Variants in BRINP3 observed in about 807,000 individuals in gnomAD.
BRINP3 encodes the protein BMP/retinoic acid inducible neural specific 3.
In BRINP3, 19 loss-of-function variants were observed where a neutral mutation model predicts 71.0. That is an observed-to-expected ratio of 0.27 (90% CI 0.19 to 0.39). The LOEUF (loss-of-function observed/expected upper bound fraction) is 0.39, where lower values mean the gene tolerates loss of function less well. Among genes scored for constraint, BRINP3 ranks in the 10% least tolerant of loss-of-function variants. The pLI is 1.00. For synonymous variants in BRINP3, 380 were observed against 337.7 expected (o/e 1.13, Z -1.37); for missense variants, 959 against 940.8 (o/e 1.02, Z -0.25).
chr1:190,110,566 T>C (rs1266537775), intron 7 of BRINP3, among the ~76,000 whole-genome samples: 1 of 152,178 alleles, frequency 6.6e-6, no homozygotes, highest in African/African-American at 2.4e-5. Flanking sequence ...CCAAGTACCC[T>C]CTACTAAAAC....
chr1:190,255,689 T>C (rs1395678593), intron 4 of BRINP3, among the ~76,000 whole-genome samples: 1 of 152,110 alleles, frequency 6.6e-6, no homozygotes, highest in African/African-American at 2.4e-5. Context: ...TTATTAGTCT[T>C]GCTAGCGATC....
chr1:190,299,336 T>C (rs1237491606), intron 2 of BRINP3, among the ~76,000 whole-genome samples: 1 of 151,910 alleles, frequency 6.6e-6, no homozygotes, highest in Non-Finnish European at 1.5e-5. Context: ...TTAAGTACAA[T>C]GCTTTCTTTT....
At chr1:190,380,818 A>C (rs1165353327) in intron 2 of BRINP3, among the ~76,000 whole-genome samples, 2 of 152,146 alleles carry the variant, frequency 1.3e-5, no homozygotes, top group African/African-American at 4.8e-5. Context: ...CTAAAAAAAA[A>C]CACAATTTGT....
chr1:190,153,853 C>T (rs542688402), intron 7 of BRINP3, among the ~76,000 whole-genome samples: 145 of 152,152 alleles, frequency 9.5e-4, no homozygotes, highest in African/African-American at 3.4e-3. Flanking sequence ...TCTGTCTCAA[C>T]AAAATGAATA....
At chr1:190,464,566 C>G (rs564070001) in intron 1 of BRINP3, among the ~76,000 whole-genome samples, 2 of 151,978 alleles carry the variant, frequency 1.3e-5, no homozygotes, top group South Asian at 4.2e-4. Flanking sequence ...GGAACAGGTA[C>G]TGAAATGAAC....
intron 2 of BRINP3, among the ~76,000 whole-genome samples, chr1:190,426,494 A>T (rs905292982): frequency 6.6e-6 from 1 of 151,844 alleles, no homozygotes; most frequent in African/African-American, 2.4e-5. Context: ...AAAAATTCCA[A>T]ATCCAAAATG....
At chr1:190,364,759 G>T (rs945783878) in intron 2 of BRINP3, among the ~76,000 whole-genome samples, 1 of 151,948 alleles carries the variant, frequency 6.6e-6, no homozygotes, top group African/African-American at 2.4e-5. Flanking sequence ...TTTTAATAAT[G>T]CTTGCAAAAC....
chr1:190,201,880 G>C (rs926136175), intron 6 of BRINP3, among the ~76,000 whole-genome samples: 1 of 152,184 alleles, frequency 6.6e-6, no homozygotes. Context: ...CCAGGCAGAA[G>C]TTTGTTGCAG....
chr1:190,286,139 T>G (rs1356539679), intron 2 of BRINP3, among the ~76,000 whole-genome samples: 3 of 152,172 alleles, frequency 2.0e-5, no homozygotes, highest in African/African-American at 7.2e-5. Context: ...TTTTTGGGGA[T>G]CATACTCTAA....
intron 1 of BRINP3, among the ~76,000 whole-genome samples, chr1:190,465,606 C>A (rs573068769): frequency 6.6e-6 from 1 of 151,990 alleles, no homozygotes; most frequent in Non-Finnish European, 1.5e-5. Context: ...GCCAGAATCC[C>A]CTCTTACCCC....
chr1:190,144,697 T>C (rs1655740053), intron 7 of BRINP3, among the ~76,000 whole-genome samples: 1 of 152,134 alleles, frequency 6.6e-6, no homozygotes, highest in Non-Finnish European at 1.5e-5. Context: ...CCGATGAACA[T>C]ATCTCATCTT....
chr1:190,209,617 C>T, intron 6 of BRINP3, among the ~76,000 whole-genome samples: 1 of 152,106 alleles, frequency 6.6e-6, no homozygotes, highest in East Asian at 1.9e-4. Flanking sequence ...GTATCAATTT[C>T]ATTTGACGTT....
At chr1:190,376,776 T>A (rs998234285) in intron 2 of BRINP3, among the ~76,000 whole-genome samples, 2 of 152,084 alleles carry the variant, frequency 1.3e-5, no homozygotes, top group Non-Finnish European at 2.9e-5. Flanking sequence ...TCTGCCGATG[T>A]TAATTGATAT....
chr1:190,424,329 C>A (rs1410941549), intron 2 of BRINP3, among the ~76,000 whole-genome samples: 1 of 151,476 alleles, frequency 6.6e-6, no homozygotes, highest in Non-Finnish European at 1.5e-5. Context: ...TAAGTATTGC[C>A]CCTTTGTTGC....
chr1:190,344,126 A>G lies in BRINP3; in HGVS notation c.237-62376T>C, dbSNP rs984258833. Among the ~76,000 whole-genome samples the G allele has an allele frequency of 7.2e-5, 11 of 151,950 alleles. No individual in the cohort carries two copies. The East Asian group carries it at 1.4e-3, about 19-fold the overall frequency. ...AAATATATTGTCCTTCAATTTCAGTAGAAAAAAATCTTCTTCTATTACTAA... is the reference window on the plus strand; with the variant it reads ...AAATATATTGTCCTTCAATTTCAGTGGAAAAAAATCTTCTTCTATTACTAA... On this transcript the variant is annotated intron_variant, in intron 2 of 7. Coordinates refer to ENST00000367462, the MANE Select transcript of BRINP3 (RefSeq NM_199051.3).
intron 6 of BRINP3, among the ~76,000 whole-genome samples, chr1:190,196,353 A>G (rs1379302922): frequency 6.6e-6 from 1 of 152,120 alleles, no homozygotes; most frequent in Non-Finnish European, 1.5e-5. Context: ...CTTGTTCAAC[A>G]CCAGATAATG....
At chr1:190,166,322 TTTTA>T (rs1419569041) in intron 6 of BRINP3, among the ~76,000 whole-genome samples, 6 of 152,314 alleles carry the variant, frequency 3.9e-5, no homozygotes, top group Admixed American at 2.6e-4. Context: ...TTTCTCACTA[TTTTA>T]TTTTTCTCTG....
intron 6 of BRINP3, among the ~76,000 whole-genome samples, chr1:190,182,311 T>G (rs373374787): frequency 6.6e-6 from 1 of 152,130 alleles, no homozygotes; most frequent in Non-Finnish European, 1.5e-5. Flanking sequence ...AGGCTTCTGA[T>G]GACAAGAAAG....
chr1:190,231,142 C>CT (rs1353835639), intron 5 of BRINP3, among the ~76,000 whole-genome samples: 1 of 151,608 alleles, frequency 6.6e-6, no homozygotes, highest in Non-Finnish European at 1.5e-5. Context: ...ATATAATCAG[C>CT]TTTTTGAAAA....
Sources: allele counts gnomAD v4.1 joint callset (sites outside exome capture counted in the v4.1 genomes callset), GRCh38; gene constraint gnomAD v4.1.1; transcripts MANE v1.5; gene names NCBI Gene and HGNC (gene_info 2026-07-23, HGNC 2026-07-21).